PCDH11Y: variants seen among roughly 807,000 people sequenced by gnomAD.
PCDH11Y encodes protocadherin 11 Y-linked, also known as protocadherin-11 Y-linked.
For missense variants in PCDH11Y, 12 were observed against 224.8 expected (o/e 0.05, Z 6.05); for synonymous variants, 9 against 83.6 (o/e 0.11, Z 4.87).
chrY:5,704,100 C>T (rs1602962361), intron 4 of PCDH11Y, among the ~76,000 whole-genome samples: 3 of 32,404 alleles, frequency 9.3e-5, no homozygotes, highest in African/African-American at 3.6e-4. Flanking sequence ...CTGGCATCTG[C>T]TGGGTTTCTG....
At chrY:5,354,120 A>AT (rs2053163029) in intron 2 of PCDH11Y, among the ~76,000 whole-genome samples, 1 of 34,195 alleles carries the variant, frequency 2.9e-5, no homozygotes, top group South Asian at 6.4e-4. Context: ...TTTATTTAGT[A>AT]TAAGTTTTAT....
At chrY:5,107,888 T>C (rs2124638108), downstream of PCDH11Y, among the ~76,000 whole-genome samples, 4 of 31,704 alleles carry the variant, frequency 1.3e-4, no homozygotes, top group South Asian at 2.1e-3. Flanking sequence ...TGAAACCCCG[T>C]CTCTACTAAA....
chrY:5,551,108 C>A, intron 3 of PCDH11Y, among the ~76,000 whole-genome samples: 1 of 33,493 alleles, frequency 3.0e-5, no homozygotes, highest in Non-Finnish European at 7.5e-5. Context: ...TGCTAAGTAA[C>A]GCATCGAAAA....
intron 4 of PCDH11Y, among the ~76,000 whole-genome samples, chrY:5,628,749 G>A: frequency 3.0e-5 from 1 of 33,513 alleles, no homozygotes; most frequent in Non-Finnish European, 7.4e-5. Flanking sequence ...CACCTTCCCT[G>A]TTATTTATTA....
chrY:5,268,802 T>A, intron 2 of PCDH11Y, among the ~76,000 whole-genome samples: 2 of 27,742 alleles, frequency 7.2e-5, no homozygotes, highest in Admixed American at 7.3e-4. Flanking sequence ...TTTTTACTGA[T>A]AAGCGCTGAA....
chrY:5,462,838 A>G (rs2053304936), intron 2 of PCDH11Y, among the ~76,000 whole-genome samples: 1 of 31,640 alleles, frequency 3.2e-5, no homozygotes, highest in Non-Finnish European at 7.7e-5. Context: ...GTTTCACTAT[A>G]TTGGTCAGGT....
chrY:5,546,352 A>G, intron 3 of PCDH11Y, among the ~76,000 whole-genome samples: 2 of 33,258 alleles, frequency 6.0e-5, no homozygotes, highest in African/African-American at 2.3e-4. Flanking sequence ...AGTTTTATAA[A>G]TAATTTGCTG....
intron 2 of PCDH11Y, among the ~76,000 whole-genome samples, chrY:5,371,856 C>G (rs2053187662): frequency 3.0e-5 from 1 of 32,842 alleles, no homozygotes; most frequent in East Asian, 7.9e-4. Context: ...CGAGATCGCA[C>G]CACTGCACTC....
At chrY:5,214,230 T>C (rs2052943271) in intron 2 of PCDH11Y, among the ~76,000 whole-genome samples, 1 of 33,504 alleles carries the variant, frequency 3.0e-5, no homozygotes, top group South Asian at 6.6e-4. Flanking sequence ...ACTACAGTTA[T>C]GAAAAAAAAT....
intron 2 of PCDH11Y, among the ~76,000 whole-genome samples, chrY:5,231,402 C>T: frequency 6.0e-5 from 2 of 33,557 alleles, no homozygotes; most frequent in African/African-American, 1.2e-4. Flanking sequence ...CATAGTGGTG[C>T]TGCCTTTATG....
At chrY:5,118,217 T>C in intron 2 of PCDH11Y, among the ~76,000 whole-genome samples, 2 of 32,610 alleles carry the variant, frequency 6.1e-5, no homozygotes, top group Non-Finnish European at 1.5e-4. Flanking sequence ...AATATTTTAC[T>C]TACTTAATTA....
At chrY:5,123,052 A>T (rs2563459) in intron 2 of PCDH11Y, among the ~76,000 whole-genome samples, 6 of 32,787 alleles carry the variant, frequency 1.8e-4, no homozygotes, top group Middle Eastern at 0.014. Flanking sequence ...TAGAAAGAGA[A>T]GGAGAAAACT....
At chrY:5,103,918 TAGAG>T (rs2124637323), downstream of PCDH11Y, among the ~76,000 whole-genome samples, 1 of 32,916 alleles carries the variant, frequency 3.0e-5, no homozygotes, top group South Asian at 6.8e-4. Context: ...TTAAAAAAAA[TAGAG>T]AGGAGAATAA....
chrY:5,065,981 C>T (rs896456724), intron 1 of PCDH11Y, among the ~76,000 whole-genome samples: 2,022 of 29,272 alleles, frequency 0.069, no homozygotes, highest in East Asian at 0.06. Context: ...AAGACAATCA[C>T]GACTGTTTTT....
intron 2 of PCDH11Y, among the ~76,000 whole-genome samples, chrY:5,416,887 G>A: frequency 3.0e-5 from 1 of 32,886 alleles, no homozygotes; most frequent in Non-Finnish European, 7.4e-5. Context: ...TTATAGCCTG[G>A]AGCTTAGTGT....
chrY:5,635,219 C>T, intron 4 of PCDH11Y, among the ~76,000 whole-genome samples: 1 of 33,325 alleles, frequency 3.0e-5, no homozygotes, highest in Admixed American at 2.8e-4. Context: ...TGCTTATAAG[C>T]TTCTATTTTA....
intron 2 of PCDH11Y, among the ~76,000 whole-genome samples, chrY:5,147,099 G>A: frequency 3.7e-5 from 1 of 27,321 alleles, no homozygotes; most frequent in African/African-American, 1.5e-4. Flanking sequence ...TACTTTTGAG[G>A]TTTTGGAACT....
intron 2 of PCDH11Y, among the ~76,000 whole-genome samples, chrY:5,362,054 G>A: frequency 3.0e-5 from 1 of 32,793 alleles, no homozygotes; most frequent in African/African-American, 1.2e-4. Context: ...TAAGAAAAAC[G>A]TTTTCATATT....
chrY:5,244,679 C>T lies in PCDH11Y; in HGVS notation c.3129+143972C>T. Among the ~76,000 whole-genome samples the T allele has an allele frequency of 1.8e-4, 6 of 34,172 alleles. No homozygotes were observed. In the East Asian group the frequency reaches 3.2e-3, roughly 18 times the overall value. The allele number at this position is 34,172 out of a possible 37,273, so 91.7% of individuals were successfully genotyped here. A position where few individuals can be genotyped will look rare whatever the true frequency, so the allele number is the denominator to read the frequency against. ...CCACCAGGGCCTAAGGCCCCAACCACGGAGCTGCATAGATTCTCAAAAGCC... is the reference window on the plus strand; with the variant it reads ...CCACCAGGGCCTAAGGCCCCAACCATGGAGCTGCATAGATTCTCAAAAGCC... On this transcript the variant is annotated intron_variant, in intron 2 of 4. Transcript: ENST00000400457.
Sources: allele counts gnomAD v4.1 joint callset (sites outside exome capture counted in the v4.1 genomes callset), GRCh38; gene constraint gnomAD v4.1.1; transcripts MANE v1.5; gene names NCBI Gene and HGNC (gene_info 2026-07-23, HGNC 2026-07-21).